Variants in DLGAP1 observed in about 807,000 individuals in gnomAD.
DLGAP1 encodes the protein DLG associated protein 1.
Under a neutral mutation model 90.8 loss-of-function variants are expected in DLGAP1, and 11 were observed. The observed-to-expected ratio is 0.12, with a 90% CI of 0.08 to 0.20. DLGAP1 has a LOEUF of 0.20. Among genes scored for constraint, DLGAP1 ranks in the 10% least tolerant of loss-of-function variants. DLGAP1 has a pLI of 1.00. For synonymous variants in DLGAP1, 558 were observed against 540.7 expected (o/e 1.03, Z -0.44); for missense variants, 1,050 against 1,333.8 (o/e 0.79, Z 3.31).
chr18:3,626,669 G>A (rs2058307778), intron 7 of DLGAP1, among the ~76,000 whole-genome samples: 1 of 151,968 alleles, frequency 6.6e-6, no homozygotes, highest in African/African-American at 2.4e-5. Context: ...ACTTTGGGAG[G>A]TGGAGGTGGG....
chr18:3,553,198 G>A (rs2053570753), intron 9 of DLGAP1, among the ~76,000 whole-genome samples: 1 of 152,116 alleles, frequency 6.6e-6, no homozygotes, highest in African/African-American at 2.4e-5. Context: ...TTCATTAAAA[G>A]AGGTGTTTGC....
intron 2 of DLGAP1, among the ~76,000 whole-genome samples, chr18:4,131,753 C>T (rs1568413236): frequency 6.6e-6 from 1 of 152,114 alleles, no homozygotes; most frequent in Non-Finnish European, 1.5e-5. Context: ...TAGAGGTTAT[C>T]GTATTTTACT....
At chr18:4,322,647 G>C (rs2080719368) in intron 1 of DLGAP1, among the ~76,000 whole-genome samples, 1 of 152,074 alleles carries the variant, frequency 6.6e-6, no homozygotes, top group African/African-American at 2.4e-5. Context: ...TAGACAAATA[G>C]GATTGTATCA....
intron 4 of DLGAP1, among the ~76,000 whole-genome samples, chr18:3,823,784 T>G (rs1301105217): frequency 6.6e-6 from 1 of 151,762 alleles, no homozygotes; most frequent in Admixed American, 6.6e-5. Context: ...ACCCTGTCTA[T>G]ACTAAAAATA....
intron 7 of DLGAP1, among the ~76,000 whole-genome samples, chr18:3,589,385 G>C (rs1244326721): frequency 6.6e-6 from 1 of 152,022 alleles, no homozygotes; most frequent in African/African-American, 2.4e-5. Flanking sequence ...CTCCCTTTTT[G>C]TGCCTTTTTA....
chr18:4,018,139 T>G (rs947229340), intron 2 of DLGAP1, among the ~76,000 whole-genome samples: 4 of 152,226 alleles, frequency 2.6e-5, no homozygotes, highest in African/African-American at 9.6e-5. Flanking sequence ...TGTGGTTTAC[T>G]CTGACTTAGG....
intron 1 of DLGAP1, among the ~76,000 whole-genome samples, chr18:4,227,771 A>C (rs75004361): frequency 6.6e-6 from 1 of 151,622 alleles, no homozygotes; most frequent in Non-Finnish European, 1.5e-5. Context: ...AAAAAAAAAA[A>C]CTAATGGTGC....
intron 1 of DLGAP1, among the ~76,000 whole-genome samples, chr18:4,191,118 T>C (rs1430416284): frequency 6.6e-6 from 1 of 152,158 alleles, no homozygotes; most frequent in Non-Finnish European, 1.5e-5. Context: ...ATTGATTTTT[T>C]TCCTTTAAAC....
At chr18:3,592,293 T>C (rs1287305630) in intron 7 of DLGAP1, among the ~76,000 whole-genome samples, 1 of 152,240 alleles carries the variant, frequency 6.6e-6, no homozygotes, top group Non-Finnish European at 1.5e-5. Context: ...GACCCCATAG[T>C]TGTGCACTTA....
At chr18:4,305,028 A>C (rs1008638618) in intron 1 of DLGAP1, among the ~76,000 whole-genome samples, 3 of 152,112 alleles carry the variant, frequency 2.0e-5, no homozygotes, top group Admixed American at 1.3e-4. Context: ...CACTCCTTTT[A>C]GTCTTGAGAC....
intron 10 of DLGAP1, among the ~76,000 whole-genome samples, chr18:3,516,691 T>C (rs1376660834): frequency 6.6e-6 from 1 of 152,138 alleles, no homozygotes; most frequent in Admixed American, 6.5e-5. Flanking sequence ...TCTTACATGG[T>C]GGTAGACAAG....
chr18:3,543,853 T>C (rs57498286), intron 9 of DLGAP1, among the ~76,000 whole-genome samples: 8,632 of 152,180 alleles, frequency 0.057, 321 homozygotes, highest in Admixed American at 0.11. Context: ...GGAATTTGCA[T>C]GGCAGTGTAT....
At chr18:3,796,962 G>A (rs1047593122) in intron 5 of DLGAP1, among the ~76,000 whole-genome samples, 2 of 152,108 alleles carry the variant, frequency 1.3e-5, no homozygotes, top group Admixed American at 1.3e-4. Context: ...TCTGGAGATG[G>A]GGCCTTTGGG....
intron 7 of DLGAP1, chr18:3,655,904 G>C (rs1250373663): frequency 3.4e-6 from 2 of 584,576 alleles, no homozygotes; most frequent in South Asian, 2.4e-5. Context: ...GCCACTTGAG[G>C]AGGGCTGAGA....
intron 9 of DLGAP1, among the ~76,000 whole-genome samples, chr18:3,564,888 T>G (rs541803625): frequency 6.6e-6 from 1 of 152,292 alleles, no homozygotes; most frequent in East Asian, 1.9e-4. Context: ...AGATGTTGAT[T>G]TTTTAGTTTG....
intron 4 of DLGAP1, among the ~76,000 whole-genome samples, chr18:3,815,509 G>C (rs1598858978): frequency 6.6e-6 from 1 of 152,080 alleles, no homozygotes; most frequent in African/African-American, 2.4e-5. Context: ...CTACTTGTCT[G>C]AATTGTTCCT....
At chr18:3,975,455 G>T (rs8098545) in intron 3 of DLGAP1, among the ~76,000 whole-genome samples, 1 of 151,824 alleles carries the variant, frequency 6.6e-6, no homozygotes, top group Admixed American at 6.6e-5. Context: ...GAAAGTGAGT[G>T]TTGGCAAAGA....
intron 2 of DLGAP1, among the ~76,000 whole-genome samples, chr18:4,079,335 A>ACC: frequency 7.3e-6 from 1 of 136,284 alleles, no homozygotes; most frequent in Non-Finnish European, 1.6e-5. Context: ...ACACACACAC[A>ACC]CCATGGAATA....
At chr18:4,382,859 T>C (rs1433179626) in intron 1 of DLGAP1, among the ~76,000 whole-genome samples, 1 of 152,204 alleles carries the variant, frequency 6.6e-6, no homozygotes, top group Non-Finnish European at 1.5e-5. Context: ...CTGAAGTTGT[T>C]TAAATCAAAC....
Sources: allele counts gnomAD v4.1 joint callset (sites outside exome capture counted in the v4.1 genomes callset), GRCh38; gene constraint gnomAD v4.1.1; transcripts MANE v1.5; gene names NCBI Gene and HGNC (gene_info 2026-07-23, HGNC 2026-07-21).